Variants in FOXJ3 observed in about 807,000 individuals in gnomAD.
FOXJ3 encodes the protein forkhead box J3, also known as forkhead box protein J3.
Under a neutral mutation model 76.1 loss-of-function variants are expected in FOXJ3, and 22 were observed. The ratio of observed to expected loss-of-function variants is 0.29; its 90% CI spans 0.21 to 0.41. FOXJ3 has a LOEUF of 0.41. Ranked by LOEUF, FOXJ3 falls within the 10% of genes least tolerant of loss-of-function variation. The pLI, the probability that FOXJ3 is intolerant of heterozygous loss-of-function variation, is 1.00. For missense variants in FOXJ3, 613 were observed against 762.1 expected (o/e 0.80, Z 2.30); for synonymous variants, 269 against 261.2 (o/e 1.03, Z -0.29).
chr1:42,211,206 GC>G (rs1315853109), intron 5 of FOXJ3, among the ~76,000 whole-genome samples: 2 of 152,136 alleles, frequency 1.3e-5, no homozygotes, highest in Non-Finnish European at 2.9e-5. Context: ...ATGGAGCTTG[GC>G]ATGGGTGCAT....
intron 1 of FOXJ3, among the ~76,000 whole-genome samples, chr1:42,332,220 C>T (rs1348109394): frequency 6.6e-6 from 1 of 152,128 alleles, no homozygotes; most frequent in Non-Finnish European, 1.5e-5. Flanking sequence ...CCTCAAAGCT[C>T]TTTCTTCATT....
At chr1:42,274,061 T>C (rs1652071489) in intron 3 of FOXJ3, among the ~76,000 whole-genome samples, 1 of 152,348 alleles carries the variant, frequency 6.6e-6, no homozygotes, top group African/African-American at 2.4e-5. Flanking sequence ...GAATTCTTAT[T>C]GGGCTTTCTA....
chr1:42,268,421 A>T (rs1036120979), intron 3 of FOXJ3, among the ~76,000 whole-genome samples: 7 of 152,172 alleles, frequency 4.6e-5, no homozygotes, highest in Non-Finnish European at 8.8e-5. Context: ...TGACACTGTT[A>T]TAAGGAAGTT....
At chr1:42,189,118 T>C in intron 10 of FOXJ3, 185 bp downstream of exon 10, 1 of 616,488 alleles carries the variant, frequency 1.6e-6, no homozygotes, top group South Asian at 2.4e-5. Context: ...TGTGGTCAAA[T>C]TTCTTTCAGA....
intron 1 of FOXJ3, among the ~76,000 whole-genome samples, chr1:42,317,488 G>A (rs1655181611): frequency 1.4e-5 from 2 of 145,260 alleles, no homozygotes; most frequent in South Asian, 4.3e-4. Flanking sequence ...CAGAAGAGAG[G>A]CCACACAGAT....
intron 4 of FOXJ3, among the ~76,000 whole-genome samples, chr1:42,240,192 G>GT (rs1649024115): frequency 6.6e-6 from 1 of 152,064 alleles, no homozygotes; most frequent in East Asian, 1.9e-4. Flanking sequence ...TTAGTTTTTT[G>GT]TTTGTTTTTA....
chr1:42,220,630 TTA>T (rs1311698509), intron 5 of FOXJ3, among the ~76,000 whole-genome samples: 1 of 152,166 alleles, frequency 6.6e-6, no homozygotes, highest in Non-Finnish European at 1.5e-5. Flanking sequence ...CATCACTCAA[TTA>T]ATGAGAAGGA....
chr1:42,294,602 T>C (rs1653659466), intron 2 of FOXJ3, among the ~76,000 whole-genome samples: 1 of 151,680 alleles, frequency 6.6e-6, no homozygotes, highest in African/African-American at 2.4e-5. Flanking sequence ...CTACTAAAAA[T>C]AAAAAATAAA....
rs1050382301 is a variant in FOXJ3 at position 42,236,422 on chromosome 1, C to T, written c.445-8456G>A. On this transcript the variant is annotated intron_variant, in intron 4 of 12. Transcript: ENST00000361346. Reference sequence around the variant, plus strand: ...CGTTGCCCAAGCTCATCTTGAACTTCCGGCCTCTAAGTATCTTCCCACCTA... The same window carrying T: ...CGTTGCCCAAGCTCATCTTGAACTTTCGGCCTCTAAGTATCTTCCCACCTA... 2.0e-5 allele frequency among the ~76,000 whole-genome samples: 3 copies of T among 152,162 alleles called. No homozygotes were observed. The East Asian group carries it at 5.8e-4, about 29-fold the overall frequency.
chr1:42,290,714 G>C (rs370921758), intron 2 of FOXJ3, among the ~76,000 whole-genome samples: 1 of 151,864 alleles, frequency 6.6e-6, no homozygotes, highest in Non-Finnish European at 1.5e-5. Context: ...TTCTTCTTAT[G>C]AAGTACAGCA....
chr1:42,293,220 G>A (rs1472269059), intron 2 of FOXJ3, among the ~76,000 whole-genome samples: 1 of 151,842 alleles, frequency 6.6e-6, no homozygotes, highest in Non-Finnish European at 1.5e-5. Context: ...TTCTCAGCTT[G>A]AACAATGAAA....
chr1:42,216,443 G>A (rs1473539613), intron 5 of FOXJ3, among the ~76,000 whole-genome samples: 9 of 151,790 alleles, frequency 5.9e-5, no homozygotes, highest in Middle Eastern at 3.4e-3. Context: ...GCGTGAACCC[G>A]GGAGGCGGAG....
At position 42,268,981 on chromosome 1, in the gene FOXJ3, A is replaced by G. The variant is rs116591586; in HGVS notation, c.370-3792T>C. Among the ~76,000 whole-genome samples, 631 of 152,286 alleles carry G rather than the reference A, an allele frequency of 4.1e-3. 3 individuals are homozygous for G. Among genetic ancestry groups the G allele is most frequent in the African/African-American group, 0.014 (588 of 41,568 alleles). On this transcript the variant is annotated intron_variant, in intron 3 of 12. Coordinates refer to ENST00000361346, the MANE Select transcript of FOXJ3 (RefSeq NM_014947.5). ...TCATCTATGAGCCAGGAAACAGGCC[A>G]TCACCAGAATCTGCTGGCATCTTGA...
Position 42,178,994 on chromosome 1 carries a change from T to C in FOXJ3, c.*716A>G, listed in dbSNP as rs1646266358. 6.6e-6 allele frequency: 1 copy of C among 152,606 alleles called. No homozygotes were observed. The highest frequency in any genetic ancestry group is 2.4e-5 in the African/African-American group (1 of 41,420). The allele number at this position is 152,606 out of a possible 1,614,324, so 9.5% of individuals were successfully genotyped here. On this transcript the variant is annotated 3_prime_UTR_variant, in exon 13 of 13. Transcript: ENST00000361346. Reference sequence around the variant, plus strand: ...TACCAATCAACAAATTTTAGAGCTATTATAATGCAGATTTAGAAAAGCAGA... The same window carrying C: ...TACCAATCAACAAATTTTAGAGCTACTATAATGCAGATTTAGAAAAGCAGA...
chr1:42,243,554 T>C (rs1350471055), intron 4 of FOXJ3, among the ~76,000 whole-genome samples: 3 of 152,158 alleles, frequency 2.0e-5, no homozygotes, highest in Non-Finnish European at 4.4e-5. Context: ...TAAGGAAACG[T>C]AGACTGAAAG....
At chr1:42,295,457 AAC>A (rs1653721697) in intron 2 of FOXJ3, among the ~76,000 whole-genome samples, 1 of 151,510 alleles carries the variant, frequency 6.6e-6, no homozygotes, top group Non-Finnish European at 1.5e-5. Context: ...ACTGCTGATG[AAC>A]AGTTAGGTTG....
At chr1:42,225,080 CAA>C (rs1002123495) in intron 5 of FOXJ3, among the ~76,000 whole-genome samples, 8 of 128,538 alleles carry the variant, frequency 6.2e-5, no homozygotes, top group Admixed American at 7.9e-5. Flanking sequence ...AGACTCCCCT[CAA>C]AAAAAAAAAA....
At position 42,324,090 on chromosome 1, in the gene FOXJ3, T is replaced by TGTATATACACAGTGTATATATACA. The variant is rs758886964; in HGVS notation, c.-18+10968_-18+10969insTGTATATATACACTGTGTATATAC. On this transcript the variant is annotated intron_variant, in intron 1 of 12. Transcript: ENST00000361346. Reference sequence around the variant, plus strand: ...CACAGTGTATATATAGTATATATACTGTATATATACTGTGTATATACACTG... The same window carrying TGTATATACACAGTGTATATATACA: ...CACAGTGTATATATAGTATATATACTGTATATACACAGTGTATATATACAGTATATATACTGTGTATATACACTG... 4.5e-4 allele frequency among the ~76,000 whole-genome samples: 39 copies of TGTATATACACAGTGTATATATACA among 87,324 alleles called. 2 individuals carry two copies. Among genetic ancestry groups the TGTATATACACAGTGTATATATACA allele is most frequent in the African/African-American group, 1.7e-3 (33 of 18,892 alleles). The allele number at this position is 87,324 out of a possible 152,430, so 57.3% of individuals were successfully genotyped here.
rs528543713 is a variant in FOXJ3 at position 42,212,909 on chromosome 1, C to T, written c.529-7046G>A. Among the ~76,000 whole-genome samples the T allele has an allele frequency of 4.7e-4, 68 of 143,716 alleles. 1 individual carries two copies. The highest frequency in any genetic ancestry group is 1.7e-3 in the African/African-American group (68 of 39,460). 94.3% of individuals were successfully genotyped at this position (143,716 alleles called of 152,430 possible). A position where few individuals can be genotyped will look rare whatever the true frequency, so the allele number is the denominator to read the frequency against. On this transcript the variant is annotated intron_variant, in intron 5 of 12. Coordinates refer to ENST00000361346, the MANE Select transcript of FOXJ3 (RefSeq NM_014947.5). ...ACAAGCCAGAGGGCTTGCGGTCCTA[C>T]CTTTACTCCTTAACATAATAACTGT...
Sources: gnomAD v4.1 joint callset for allele counts (sites outside exome capture counted in the v4.1 genomes callset) on GRCh38, gnomAD v4.1.1 for gene constraint, MANE v1.5 for transcripts, NCBI Gene and HGNC (gene_info 2026-07-23, HGNC 2026-07-21) for gene names.